Variants in NSD3 observed in about 807,000 individuals in gnomAD.
The protein encoded by NSD3 is histone-lysine N-methyltransferase NSD3.
Under a neutral mutation model 160.8 loss-of-function variants are expected in NSD3, and 24 were observed. That is an observed-to-expected ratio of 0.15 (90% CI 0.11 to 0.21). NSD3 has a LOEUF of 0.21. NSD3 is among the 10% of genes least tolerant of loss of function. The pLI, the probability that NSD3 is intolerant of heterozygous loss-of-function variation, is 1.00. For synonymous variants in NSD3, 520 were observed against 600.0 expected, an observed-to-expected ratio of 0.87 and a Z score of 1.95; for missense variants, 1,157 against 1,735.9, an observed-to-expected ratio of 0.67 and a Z score of 5.93.
At chr8:38,290,212 TAAA>T (rs11334854) in intron 17 of NSD3, among the ~76,000 whole-genome samples, 3 of 140,210 alleles carry the variant, frequency 2.1e-5, no homozygotes, top group Admixed American at 7.1e-5. Flanking sequence ...AGACCCTGTC[TAAA>T]AAAAAAAAAA....
intron 1 of NSD3, 45 bp downstream of exon 1, chr8:38,381,744 GCGCACACACA>G (rs1465032413): frequency 2.6e-5 from 3 of 117,480 alleles, no homozygotes; most frequent in Non-Finnish European, 5.6e-5. Context: ...ACGCGCGCGC[GCGCACACACA>G]CACACACACA....
At chr8:38,323,083 C>T (rs1809829020) in intron 7 of NSD3, among the ~76,000 whole-genome samples, 1 of 152,114 alleles carries the variant, frequency 6.6e-6, no homozygotes, top group Non-Finnish European at 1.5e-5. Context: ...GAGACGGAGT[C>T]TCTCCCTGTC....
At chr8:38,295,006 T>C (rs1283527365) in intron 16 of NSD3, among the ~76,000 whole-genome samples, 1 of 151,500 alleles carries the variant, frequency 6.6e-6, no homozygotes, top group Non-Finnish European at 1.5e-5. Context: ...TAGACGGGCA[T>C]GGTAGCGGGC....
intron 12 of NSD3, among the ~76,000 whole-genome samples, chr8:38,306,988 G>A (rs1330460167): frequency 2.0e-5 from 3 of 151,452 alleles, no homozygotes; most frequent in Admixed American, 6.6e-5. Context: ...GGTGGCGGGC[G>A]CCTGTAGTCG....
intron 1 of NSD3, among the ~76,000 whole-genome samples, chr8:38,375,398 C>T (rs1811364816): frequency 6.6e-6 from 1 of 152,114 alleles, no homozygotes; most frequent in Non-Finnish European, 1.5e-5. Context: ...AAAAGTTGTG[C>T]TTTAGGAGTA....
intron 12 of NSD3, among the ~76,000 whole-genome samples, chr8:38,308,879 T>C (rs1336849141): frequency 1.3e-5 from 2 of 152,026 alleles, no homozygotes; most frequent in African/African-American, 4.8e-5. Context: ...TAAATGAAAA[T>C]AGTGAAAACT....
chr8:38,311,594 G>A (rs943653141), intron 12 of NSD3, among the ~76,000 whole-genome samples: 5 of 152,036 alleles, frequency 3.3e-5, no homozygotes, highest in Admixed American at 6.6e-5. Context: ...CCAAAGTGCC[G>A]GTATTACAGA....
At chr8:38,328,320 C>T (rs1024487713) in intron 6 of NSD3, among the ~76,000 whole-genome samples, 12 of 152,092 alleles carry the variant, frequency 7.9e-5, no homozygotes, top group Non-Finnish European at 1.3e-4. Context: ...TTGACTTGTG[C>T]ATCAGAAGCA....
intron 20 of NSD3, among the ~76,000 whole-genome samples, chr8:38,281,234 G>C (rs1313894291): frequency 6.6e-6 from 1 of 151,994 alleles, no homozygotes; most frequent in Admixed American, 6.6e-5. Flanking sequence ...CCCTGCTCCT[G>C]GTTTTATTTT....
intron 6 of NSD3, among the ~76,000 whole-genome samples, chr8:38,327,471 C>T (rs1288102045): frequency 6.6e-6 from 1 of 152,182 alleles, no homozygotes; most frequent in African/African-American, 2.4e-5. Context: ...AATTCTGCCT[C>T]AGCCTCCCGA....
At chr8:38,285,285 GAAAC>G (rs1231267440) in intron 19 of NSD3, among the ~76,000 whole-genome samples, 3 of 152,200 alleles carry the variant, frequency 2.0e-5, no homozygotes, top group Non-Finnish European at 4.4e-5. Flanking sequence ...TTCTGAGAAA[GAAAC>G]AACTTCATAA....
At chr8:38,338,681 A>G in intron 2 of NSD3, 74 bp from the exon 3 acceptor site, 1 of 1,165,770 alleles carries the variant, frequency 8.6e-7, no homozygotes, top group Non-Finnish European at 1.3e-6. Context: ...AGTGACATAC[A>G]TAAAAAGAAT....
chr8:38,363,391 C>CCCA (rs1217640056), intron 1 of NSD3, among the ~76,000 whole-genome samples: 1 of 152,102 alleles, frequency 6.6e-6, no homozygotes, highest in African/African-American at 2.4e-5. Context: ...TGCCTGTAAT[C>CCCA]CCAGCACTTT....
chr8:38,351,749 T>C (rs534642583), intron 1 of NSD3, among the ~76,000 whole-genome samples: 4 of 151,808 alleles, frequency 2.6e-5, no homozygotes, highest in Admixed American at 2.6e-4. Flanking sequence ...GAAACCATCA[T>C]TCTCAGCAAA....
intron 1 of NSD3, among the ~76,000 whole-genome samples, chr8:38,367,950 C>T (rs536115801): frequency 1.3e-5 from 2 of 152,120 alleles, no homozygotes; most frequent in African/African-American, 4.8e-5. Context: ...TTTTTTTAAA[C>T]TTTTCTGAGT....
chr8:38,328,992 T>C (rs1809981525), intron 6 of NSD3, among the ~76,000 whole-genome samples: 1 of 152,236 alleles, frequency 6.6e-6, no homozygotes, highest in Non-Finnish European at 1.5e-5. Context: ...CAGTGGTTTT[T>C]ATAACAATGG....
intron 15 of NSD3, among the ~76,000 whole-genome samples, chr8:38,297,209 A>G (rs563906277): frequency 8.5e-5 from 13 of 152,338 alleles, no homozygotes; most frequent in African/African-American, 2.4e-5. Context: ...CAAGTTCCCT[A>G]TCAAAACTCT....
At chr8:38,345,636 C>T (rs1057104783) in intron 2 of NSD3, among the ~76,000 whole-genome samples, 6 of 151,998 alleles carry the variant, frequency 3.9e-5, no homozygotes, top group Non-Finnish European at 5.9e-5. Flanking sequence ...CTGGGCCAGG[C>T]GCAGTGGCTC....
intron 1 of NSD3, among the ~76,000 whole-genome samples, chr8:38,357,447 C>A (rs1239655492): frequency 6.6e-6 from 1 of 152,192 alleles, no homozygotes; most frequent in Non-Finnish European, 1.5e-5. Flanking sequence ...CTGGAAATTT[C>A]TCTGCACACC....
Sources: allele counts gnomAD v4.1 joint callset (sites outside exome capture counted in the v4.1 genomes callset), GRCh38; gene constraint gnomAD v4.1.1; transcripts MANE v1.5; gene names NCBI Gene and HGNC (gene_info 2026-07-23, HGNC 2026-07-21).